The following GRM5 variants were observed in gnomAD, a reference collection of about 807,000 sequenced individuals.
GRM5 encodes the protein glutamate metabotropic receptor 5, also known as metabotropic glutamate receptor 5.
GRM5 carries 19 observed loss-of-function variants against 83.1 expected under a neutral mutation model. The ratio of observed to expected loss-of-function variants is 0.23; its 90% CI spans 0.16 to 0.34. The LOEUF (loss-of-function observed/expected upper bound fraction) is 0.34, where lower values mean the gene tolerates loss of function less well. Ranked by LOEUF, GRM5 falls within the 10% of genes least tolerant of loss-of-function variation. GRM5 has a pLI of 1.00. For synonymous variants in GRM5, 675 were observed against 633.6 expected (o/e 1.07, Z -0.98); for missense variants, 1,160 against 1,588.3 (o/e 0.73, Z 4.58).
At chr11:88,614,167 G>A (rs761771868) in intron 4 of GRM5, among the ~76,000 whole-genome samples, 12 of 151,984 alleles carry the variant, frequency 7.9e-5, no homozygotes, top group Non-Finnish European at 1.3e-4. Flanking sequence ...TCTCTCTTTT[G>A]AACAGGGTAT....
chr11:88,527,481 C>T lies in GRM5; in HGVS notation c.2631-2077G>A, dbSNP rs575272659. On this transcript the variant is annotated intron_variant, in intron 8 of 9. Transcript: ENST00000305447. ...CTGTGAAGAAAAAGGAATGCTTACA[C>T]ACTGCTAGTGGGAATGGAAATTAGT... is the stretch of plus-strand genomic sequence containing the variant. 3.1e-4 allele frequency among the ~76,000 whole-genome samples: 47 copies of T among 152,224 alleles called. 1 individual carries two copies. In the South Asian group the frequency reaches 4.1e-3, roughly 13 times the overall value.
intron 9 of GRM5, among the ~76,000 whole-genome samples, chr11:88,513,190 A>T (rs754693021): frequency 6.6e-6 from 1 of 152,108 alleles, no homozygotes; most frequent in Non-Finnish European, 1.5e-5. Context: ...ATTCAGGCAT[A>T]TCATAACTCT....
chr11:89,022,031 T>A (rs1940997593), intron 2 of GRM5, among the ~76,000 whole-genome samples: 2 of 152,298 alleles, frequency 1.3e-5, no homozygotes, highest in Non-Finnish European at 2.9e-5. Context: ...CAGAGTTTTG[T>A]GATAGATCAT....
At chr11:88,880,290 C>T (rs1219200222) in intron 2 of GRM5, among the ~76,000 whole-genome samples, 1 of 151,886 alleles carries the variant, frequency 6.6e-6, no homozygotes, top group Non-Finnish European at 1.5e-5. Context: ...TTAGGTAGAG[C>T]ACATGAATAA....
At chr11:88,635,381 A>T (rs1425220832) in intron 4 of GRM5, among the ~76,000 whole-genome samples, 3 of 152,116 alleles carry the variant, frequency 2.0e-5, no homozygotes, top group African/African-American at 7.2e-5. Context: ...GTGTGAGATG[A>T]TATCTCATTG....
At chr11:89,042,887 A>G (rs1254871626) in intron 2 of GRM5, among the ~76,000 whole-genome samples, 5 of 152,194 alleles carry the variant, frequency 3.3e-5, no homozygotes, top group Non-Finnish European at 5.9e-5. Context: ...TATCTTCAAT[A>G]ATGTATGCTA....
In GRM5 at chr11:88,925,635, G is replaced by A. The variant is rs1945775876; in HGVS notation, c.662-75480C>T. On this transcript the variant is annotated intron_variant, in intron 2 of 9. Transcript: ENST00000305447. ...TTCTAAGATGTGGCACTGGCCGGGTGCTGGGGTGGCTCATGCCCATAATCC... is the reference window on the plus strand; with the variant it reads ...TTCTAAGATGTGGCACTGGCCGGGTACTGGGGTGGCTCATGCCCATAATCC... 3 of 403,336 alleles carry A rather than the reference G, an allele frequency of 7.4e-6. No individual in the cohort carries two copies. The Admixed American group carries it at 8.1e-5, about 11-fold the overall frequency. The allele number at this position is 403,336 out of a possible 1,614,324, so 25.0% of individuals were successfully genotyped here.
intron 3 of GRM5, among the ~76,000 whole-genome samples, chr11:88,775,684 C>T (rs1297887068): frequency 6.6e-6 from 1 of 152,144 alleles, no homozygotes; most frequent in Non-Finnish European, 1.5e-5. Flanking sequence ...TTTTTGCCTT[C>T]ATTTCGTTAT....
chr11:88,967,361 A>G (rs903872531), intron 2 of GRM5, among the ~76,000 whole-genome samples: 4 of 151,536 alleles, frequency 2.6e-5, no homozygotes, highest in Non-Finnish European at 4.4e-5. Flanking sequence ...GGGATATCTC[A>G]GTCCATTGTA....
intron 3 of GRM5, among the ~76,000 whole-genome samples, chr11:88,701,044 C>T (rs1941021153): frequency 6.6e-6 from 1 of 152,104 alleles, no homozygotes; most frequent in Non-Finnish European, 1.5e-5. Flanking sequence ...CCCTACAAAT[C>T]TGGATTCTGT....
chr11:88,660,532 C>A (rs916852594), intron 3 of GRM5, among the ~76,000 whole-genome samples: 2 of 152,092 alleles, frequency 1.3e-5, no homozygotes, highest in African/African-American at 2.4e-5. Flanking sequence ...ATTCTGTACC[C>A]AAAGGAGCAA....
chr11:88,857,369 G>C (rs1944494994), intron 2 of GRM5, among the ~76,000 whole-genome samples: 1 of 152,022 alleles, frequency 6.6e-6, no homozygotes, highest in South Asian at 2.1e-4. Flanking sequence ...TGTGAGTTGT[G>C]ACATTAGTCT....
chr11:88,894,887 G>A (rs190212435), intron 2 of GRM5, among the ~76,000 whole-genome samples: 2 of 152,064 alleles, frequency 1.3e-5, no homozygotes, highest in East Asian at 1.9e-4. Context: ...CAACAAACCA[G>A]GAAGTGAAGC....
At chr11:89,041,288 C>T (rs1472007246) in intron 2 of GRM5, among the ~76,000 whole-genome samples, 1 of 152,164 alleles carries the variant, frequency 6.6e-6, no homozygotes, top group Non-Finnish European at 1.5e-5. Context: ...TATGGGGGAG[C>T]AGTGCAGTGA....
intron 3 of GRM5, among the ~76,000 whole-genome samples, chr11:88,745,167 C>T (rs1196796744): frequency 2.0e-5 from 3 of 149,892 alleles, no homozygotes; most frequent in Non-Finnish European, 3.0e-5. Flanking sequence ...CTACTACTCA[C>T]TTCTCCTAAT....
intron 3 of GRM5, among the ~76,000 whole-genome samples, chr11:88,687,579 A>ATT (rs1250226972): frequency 8.8e-4 from 41 of 46,780 alleles, no homozygotes; most frequent in Admixed American, 4.9e-3. Flanking sequence ...ATATATATAT[A>ATT]ATATATATAT....
chr11:88,892,115 C>T (rs1590943586), intron 2 of GRM5, among the ~76,000 whole-genome samples: 1 of 149,784 alleles, frequency 6.7e-6, no homozygotes, highest in Non-Finnish European at 1.5e-5. Flanking sequence ...GTAACCTTAA[C>T]TTACGGCAAT....
chr11:88,628,918 G>A (rs1371974032), intron 4 of GRM5, among the ~76,000 whole-genome samples: 1 of 152,126 alleles, frequency 6.6e-6, no homozygotes, highest in Non-Finnish European at 1.5e-5. Flanking sequence ...AATGTAGGAG[G>A]GAGATTGAGA....
chr11:88,613,535 TAGA>T (rs1432121981), intron 4 of GRM5, among the ~76,000 whole-genome samples: 3 of 152,210 alleles, frequency 2.0e-5, no homozygotes, highest in Non-Finnish European at 2.9e-5. Flanking sequence ...ATTTGCCTGA[TAGA>T]TCTTTCTCCA....
Sources: allele counts gnomAD v4.1 joint callset (sites outside exome capture counted in the v4.1 genomes callset), GRCh38; gene constraint gnomAD v4.1.1; transcripts MANE v1.5; gene names NCBI Gene and HGNC (gene_info 2026-07-23, HGNC 2026-07-21).